Variants in SPAG16 observed in about 807,000 individuals in gnomAD.
SPAG16 encodes the protein sperm associated antigen 16, also known as sperm-associated antigen 16 protein.
Under a neutral mutation model 80.4 loss-of-function variants are expected in SPAG16, and 86 were observed. That is an observed-to-expected ratio of 1.07 (90% CI 0.90 to 1.28). The LOEUF is 1.28. Ranked by LOEUF, SPAG16 falls within the 50% of genes most tolerant of loss-of-function variation. SPAG16 has a pLI of 0.00. For synonymous variants in SPAG16, 294 were observed against 265.9 expected, an observed-to-expected ratio of 1.11 and a Z score of -1.03; for missense variants, 870 against 765.3, an observed-to-expected ratio of 1.14 and a Z score of -1.61.
intron 6 of SPAG16, among the ~76,000 whole-genome samples, chr2:213,343,611 T>G (rs576141948): frequency 1.6e-3 from 239 of 152,106 alleles, no homozygotes; most frequent in Non-Finnish European, 2.8e-3. Context: ...ATGAAATGCT[T>G]AGAGTTTTAA....
intron 9 of SPAG16, among the ~76,000 whole-genome samples, chr2:213,443,034 A>G (rs1291148609): frequency 6.6e-6 from 1 of 152,166 alleles, no homozygotes; most frequent in African/African-American, 2.4e-5. Context: ...AAAATATACA[A>G]ATGACTTCAG....
intron 11 of SPAG16, among the ~76,000 whole-genome samples, chr2:213,870,464 C>T (rs1007398963): frequency 6.6e-6 from 1 of 152,186 alleles, no homozygotes; most frequent in African/African-American, 2.4e-5. Flanking sequence ...CAAGCGCTTT[C>T]CTCCACGAAG....
intron 13 of SPAG16, among the ~76,000 whole-genome samples, chr2:214,045,598 T>C (rs765270166): frequency 6.6e-6 from 1 of 152,158 alleles, no homozygotes; most frequent in Non-Finnish European, 1.5e-5. Context: ...CTGAATATTC[T>C]TGGGAATGAT....
At position 214,280,765 on chromosome 2, in the gene SPAG16, C is replaced by G. The variant is rs1313877646; in HGVS notation, c.1721-129375C>G. 3.6e-5 allele frequency: 16 copies of G among 440,090 alleles called. No individual in the cohort carries two copies. The Admixed American group carries it at 4.2e-4, about 12-fold the overall frequency. 27.3% of individuals were successfully genotyped at this position (440,090 alleles called of 1,614,324 possible). On this transcript the variant is annotated intron_variant, in intron 15 of 15. Coordinates refer to ENST00000331683, the MANE Select transcript of SPAG16 (RefSeq NM_024532.5). ...TTAACTTATTTCCTGGGCGTCTTCT[C>G]ATAGACTAGATTCTCTCATATAGCA...
intron 9 of SPAG16, among the ~76,000 whole-genome samples, chr2:213,448,054 T>C (rs2071446911): frequency 6.6e-6 from 1 of 152,268 alleles, no homozygotes; most frequent in African/African-American, 2.4e-5. Flanking sequence ...AAATGGCTTA[T>C]TTTGTTAATG....
At chr2:214,389,252 G>T (rs961576512) in intron 15 of SPAG16, among the ~76,000 whole-genome samples, 1 of 152,132 alleles carries the variant, frequency 6.6e-6, no homozygotes, top group Non-Finnish European at 1.5e-5. Flanking sequence ...ATCACAAAAA[G>T]AAATTAAGGC....
chr2:213,470,195 T>C (rs541117711), intron 9 of SPAG16, among the ~76,000 whole-genome samples: 9 of 152,316 alleles, frequency 5.9e-5, no homozygotes, highest in Admixed American at 5.2e-4. Context: ...GGCATTGTAA[T>C]TGTGACTTCA....
chr2:214,115,602 G>A (rs553827320), intron 14 of SPAG16, among the ~76,000 whole-genome samples: 1 of 152,200 alleles, frequency 6.6e-6, no homozygotes, highest in South Asian at 2.1e-4. Context: ...CCCTCAACTG[G>A]GCACAGTGGC....
intron 10 of SPAG16, among the ~76,000 whole-genome samples, chr2:213,835,895 G>A (rs943485811): frequency 6.6e-6 from 1 of 152,140 alleles, no homozygotes; most frequent in Non-Finnish European, 1.5e-5. Flanking sequence ...GGGCATGTAT[G>A]TGACATTTTG....
chr2:214,034,994 G>A (rs2048613214), intron 13 of SPAG16, among the ~76,000 whole-genome samples: 1 of 152,202 alleles, frequency 6.6e-6, no homozygotes, highest in African/African-American at 2.4e-5. Context: ...TTTTCAAGTG[G>A]ATGGTGAGCA....
intron 13 of SPAG16, among the ~76,000 whole-genome samples, chr2:214,041,079 A>G (rs1395466287): frequency 2.0e-5 from 3 of 151,448 alleles, no homozygotes; most frequent in Non-Finnish European, 4.4e-5. Flanking sequence ...TTTTTAAATG[A>G]ACATTGTTAT....
intron 12 of SPAG16, among the ~76,000 whole-genome samples, chr2:214,008,628 C>T (rs529226244): frequency 6.6e-6 from 1 of 152,118 alleles, no homozygotes; most frequent in East Asian, 1.9e-4. Flanking sequence ...GCCTGTAGCC[C>T]CAGCTACTCC....
In SPAG16 at chr2:214,258,475, A is replaced by G. The variant is rs949219824; in HGVS notation, c.1720+109209A>G. Among the ~76,000 whole-genome samples the G allele has an allele frequency of 4.3e-4, 62 of 144,760 alleles. 1 individual carries two copies. The highest frequency in any genetic ancestry group is 1.4e-3 in the African/African-American group (52 of 38,270). 95.0% of individuals were successfully genotyped at this position (144,760 alleles called of 152,430 possible). On this transcript the variant is annotated intron_variant, in intron 15 of 15. Coordinates refer to ENST00000331683, the MANE Select transcript of SPAG16 (RefSeq NM_024532.5). ...TGTGTGTATGTATGTGTGTGTGTAT[A>G]TATATATATATATATACACACACAC...
chr2:213,610,318 G>A (rs2061401299), intron 10 of SPAG16, among the ~76,000 whole-genome samples: 1 of 152,102 alleles, frequency 6.6e-6, no homozygotes, highest in Non-Finnish European at 1.5e-5. Context: ...GATGTAGCCA[G>A]GTTTTCTCTA....
intron 15 of SPAG16, among the ~76,000 whole-genome samples, chr2:214,160,713 A>G (rs2056403823): frequency 6.6e-6 from 1 of 151,982 alleles, no homozygotes; most frequent in Non-Finnish European, 1.5e-5. Context: ...GTTTCTAAAA[A>G]CTATGTTTTG....
chr2:214,070,235 T>C (rs986680500), intron 13 of SPAG16, among the ~76,000 whole-genome samples: 4 of 152,102 alleles, frequency 2.6e-5, no homozygotes, highest in Admixed American at 6.6e-5. Context: ...TGATCAAATA[T>C]ACCTATACTT....
chr2:213,527,990 A>T (rs941954828), intron 10 of SPAG16, among the ~76,000 whole-genome samples: 2 of 152,210 alleles, frequency 1.3e-5, no homozygotes, highest in African/African-American at 2.4e-5. Context: ...ATATAAAAAC[A>T]AATGAAGCTG....
intron 15 of SPAG16, among the ~76,000 whole-genome samples, chr2:214,295,840 A>C (rs1196571144): frequency 6.6e-6 from 1 of 152,158 alleles, no homozygotes; most frequent in Non-Finnish European, 1.5e-5. Context: ...GCTCTGTTAT[A>C]TATTACATAT....
intron 10 of SPAG16, among the ~76,000 whole-genome samples, chr2:213,834,578 C>A (rs2073974248): frequency 6.6e-6 from 1 of 152,028 alleles, no homozygotes; most frequent in Admixed American, 6.6e-5. Context: ...AAGAGAGTGA[C>A]CTTTCTAGGT....
Sources: allele counts gnomAD v4.1 joint callset (sites outside exome capture counted in the v4.1 genomes callset), GRCh38; gene constraint gnomAD v4.1.1; transcripts MANE v1.5; gene names NCBI Gene and HGNC (gene_info 2026-07-23, HGNC 2026-07-21).